SORCS1: variants seen among roughly 807,000 people sequenced by gnomAD.
SORCS1 encodes the protein VPS10 domain-containing receptor SorCS1.
In SORCS1, 60 loss-of-function variants were observed where a neutral mutation model predicts 146.1. The observed-to-expected ratio is 0.41, with a 90% CI of 0.33 to 0.51. SORCS1 has a LOEUF of 0.51. Among genes scored for constraint, SORCS1 ranks in the 20% least tolerant of loss-of-function variants. SORCS1 has a pLI of 0.21. For synonymous variants in SORCS1, 637 were observed against 584.0 expected, an observed-to-expected ratio of 1.09 and a Z score of -1.31; for missense variants, 1,352 against 1,487.6, an observed-to-expected ratio of 0.91 and a Z score of 1.50.
chr10:106,677,475 T>C, intron 12 of SORCS1, 71 bp from the exon 13 acceptor site: 2 of 1,350,480 alleles, frequency 1.5e-6, no homozygotes, highest in East Asian at 2.3e-5. Flanking sequence ...AGAATCAGTC[T>C]TCACATGAGA....
At chr10:106,794,574 C>T (rs1283242725) in intron 3 of SORCS1, among the ~76,000 whole-genome samples, 2 of 148,760 alleles carry the variant, frequency 1.3e-5, no homozygotes, top group African/African-American at 4.9e-5. Context: ...ACGATCTCGG[C>T]TCACTGCAAG....
At chr10:106,786,312 G>T (rs1040677736) in intron 3 of SORCS1, among the ~76,000 whole-genome samples, 4 of 152,214 alleles carry the variant, frequency 2.6e-5, no homozygotes, top group Non-Finnish European at 5.9e-5. Context: ...GTGGTGGCCA[G>T]AGTTGGATAT....
At chr10:106,705,262 T>C (rs1007934413) in intron 8 of SORCS1, among the ~76,000 whole-genome samples, 4 of 152,212 alleles carry the variant, frequency 2.6e-5, no homozygotes, top group African/African-American at 9.6e-5. Context: ...AAGTTAATAG[T>C]GCAACTCAGT....
chr10:106,624,581 G>A (rs1004832080), intron 19 of SORCS1, among the ~76,000 whole-genome samples: 6 of 151,712 alleles, frequency 4.0e-5, no homozygotes, highest in African/African-American at 1.5e-4. Context: ...GGCTGGTCTC[G>A]AATTTCCAAT....
chr10:106,583,269 C>T (rs1295802056), intron 24 of SORCS1, among the ~76,000 whole-genome samples: 2 of 152,078 alleles, frequency 1.3e-5, no homozygotes, highest in African/African-American at 2.4e-5. Flanking sequence ...ATGACAGTTC[C>T]CTGGTGAGAT....
At position 107,164,343 on chromosome 10, in the gene SORCS1, G is replaced by T. The variant is rs935906514; in HGVS notation, c.184C>A (p.Pro62Thr). 5 of 1,532,074 alleles carry T rather than the reference G, an allele frequency of 3.3e-6. No individual in the cohort carries two copies. In the South Asian group the frequency reaches 4.8e-5, roughly 15 times the overall value. The allele number at this position is 1,532,074 out of a possible 1,614,324, so 94.9% of individuals were successfully genotyped here. Reference sequence around the variant, plus strand: ...AGGGGCGTGGCAGGAGCCCTGCCTGGCCGCCCCTGGTGGGAAAAGCCCCTA... The same window carrying T: ...AGGGGCGTGGCAGGAGCCCTGCCTGTCCGCCCCTGGTGGGAAAAGCCCCTA... Reference protein sequence around the residue: ...TPRGFSHQGRPGRAPATPLPL... With the variant: ...TPRGFSHQGRTGRAPATPLPL... The change falls in exon 1 of 26, where the codon CCA becomes ACA. Residue 62 changes from proline to threonine, a missense_variant. Around this residue, in one of 3 missense-constraint regions of SORCS1, gnomAD observed 490 missense variants for 489.1 expected, o/e 1.00. Transcript: ENST00000263054. This position sits in a 1 kb window ranked among gnomAD's most constrained non-coding sequence, Gnocchi z 6.8.
Position 106,577,088 on chromosome 10 carries a change from C to T in SORCS1, c.*332G>A. On this transcript the variant is annotated 3_prime_UTR_variant, in exon 26 of 26. Coordinates refer to ENST00000263054, the MANE Select transcript of SORCS1 (RefSeq NM_052918.5). ...ACATGCACAGGCTTAAAGCTAAAAA[C>T]CCTTGTTGTCTGTGTCTGAAGAATT... is the stretch of plus-strand genomic sequence containing the variant. 1 of 707,528 alleles carries T rather than the reference C, an allele frequency of 1.4e-6. No homozygotes were observed. The highest frequency in any genetic ancestry group is 1.8e-5 in the South Asian group (1 of 55,122). The allele number at this position is 707,528 out of a possible 1,614,324, so 43.8% of individuals were successfully genotyped here. A position where few individuals can be genotyped will look rare whatever the true frequency, so the allele number is the denominator to read the frequency against.
chr10:106,972,349 C>T (rs1955821150), intron 1 of SORCS1, among the ~76,000 whole-genome samples: 1 of 149,180 alleles, frequency 6.7e-6, no homozygotes, highest in Non-Finnish European at 1.5e-5. Context: ...CCACTACACT[C>T]CAGCCTGGGT....
chr10:106,871,543 A>C (rs891845017), intron 2 of SORCS1, among the ~76,000 whole-genome samples: 40 of 152,252 alleles, frequency 2.6e-4, no homozygotes, highest in African/African-American at 8.2e-4. Flanking sequence ...CACATACACC[A>C]TTAAATGCTA....
intron 3 of SORCS1, among the ~76,000 whole-genome samples, chr10:106,827,085 A>G (rs1948338615): frequency 6.6e-6 from 1 of 152,058 alleles, no homozygotes; most frequent in Admixed American, 6.6e-5. Flanking sequence ...TAGCAGCTAT[A>G]TCTGGACTTG....
the SORCS1 span, among the ~76,000 whole-genome samples, chr10:107,180,015 C>T: frequency 2.1e-5 from 3 of 140,964 alleles, no homozygotes; most frequent in Admixed American, 2.3e-4. Flanking sequence ...CTCCTGGGCT[C>T]AAGCAATCAT....
intron 1 of SORCS1, among the ~76,000 whole-genome samples, chr10:107,124,953 C>CTTTTTTTTTTTTTTTTTT (rs577523339): frequency 8.2e-6 from 1 of 121,612 alleles, no homozygotes; most frequent in Non-Finnish European, 1.7e-5. Flanking sequence ...TTTTCTTTTT[C>CTTTTTTTTTTTTTTTTTT]TTTTTTTTTT....
chr10:106,898,618 C>T (rs952619215), intron 2 of SORCS1, among the ~76,000 whole-genome samples: 2 of 152,106 alleles, frequency 1.3e-5, no homozygotes, highest in Admixed American at 6.5e-5. Context: ...ATCTAGGATA[C>T]GCTGCTGAGA....
intron 5 of SORCS1, among the ~76,000 whole-genome samples, chr10:106,741,789 T>C (rs1857384262): frequency 6.6e-6 from 1 of 152,142 alleles, no homozygotes; most frequent in Non-Finnish European, 1.5e-5. Context: ...AGACCTTAAA[T>C]AGCAGGGTTT....
chr10:106,885,695 TC>T (rs577881654), intron 2 of SORCS1, among the ~76,000 whole-genome samples: 1 of 151,392 alleles, frequency 6.6e-6, no homozygotes, highest in African/African-American at 2.4e-5. Flanking sequence ...TTTGGCTGTG[TC>T]CCCCCCCAAA....
chr10:106,589,394 T>G (rs978368895), intron 24 of SORCS1, among the ~76,000 whole-genome samples: 3 of 152,062 alleles, frequency 2.0e-5, no homozygotes, highest in Non-Finnish European at 2.9e-5. Flanking sequence ...CCACCAAATA[T>G]AAGGACTAAA....
chr10:106,600,180 A>G (rs1846155599), intron 23 of SORCS1: 1 of 327,324 alleles, frequency 3.1e-6, no homozygotes, highest in South Asian at 1.2e-4. Context: ...TCAAAATAAC[A>G]TATTTTTAAT....
At chr10:106,784,497 T>C (rs945271147) in intron 3 of SORCS1, among the ~76,000 whole-genome samples, 2 of 151,900 alleles carry the variant, frequency 1.3e-5, no homozygotes, top group African/African-American at 4.8e-5. Flanking sequence ...ACTAATTAAA[T>C]ACCTTGAGAA....
At chr10:106,895,233 G>A (rs990725718) in intron 2 of SORCS1, among the ~76,000 whole-genome samples, 2 of 152,180 alleles carry the variant, frequency 1.3e-5, no homozygotes, top group Admixed American at 1.3e-4. Context: ...TGAAACAGCT[G>A]TGCTAGAGGT....
Sources: gnomAD v4.1 joint callset for allele counts (sites outside exome capture counted in the v4.1 genomes callset) on GRCh38, gnomAD v4.1.1 for gene constraint, gnomAD v4.1.1 regional missense constraint, Gnocchi (gnomAD v3.1) non-coding constraint, MANE v1.5 for transcripts, NCBI Gene and HGNC (gene_info 2026-07-23, HGNC 2026-07-21) for gene names.